Variants in WWOX observed in about 807,000 individuals in gnomAD.
The protein encoded by WWOX is WW domain-containing oxidoreductase.
WWOX carries 69 observed loss-of-function variants against 46.2 expected under a neutral mutation model. The observed-to-expected ratio is 1.49, with a 90% confidence interval of 1.23 to 1.82. The LOEUF (loss-of-function observed/expected upper bound fraction) is 1.82, where lower values mean the gene tolerates loss of function less well. Among genes scored for constraint, WWOX ranks in the 40% most tolerant of loss-of-function variants. WWOX has a pLI of 0.00. For synonymous variants in WWOX, 359 were observed against 202.6 expected (o/e 1.77, Z -6.56); for missense variants, 919 against 542.6 (o/e 1.69, Z -6.89).
chr16:78,826,272 G>T (rs1597678608), intron 8 of WWOX, among the ~76,000 whole-genome samples: 1 of 152,158 alleles, frequency 6.6e-6, no homozygotes, highest in South Asian at 2.1e-4. Context: ...CTTGAACCCG[G>T]GAGGTGGAGG....
At chr16:78,690,501 A>G (rs943107529) in intron 8 of WWOX, among the ~76,000 whole-genome samples, 3 of 152,298 alleles carry the variant, frequency 2.0e-5, no homozygotes, top group Admixed American at 6.5e-5. Context: ...GCAGTGGGCC[A>G]TGATCGTGAC....
At chr16:79,148,691 A>C (rs2050223718) in intron 8 of WWOX, among the ~76,000 whole-genome samples, 1 of 152,168 alleles carries the variant, frequency 6.6e-6, no homozygotes, top group African/African-American at 2.4e-5. Flanking sequence ...TACTATGTTG[A>C]GTCTTCCAGT....
intron 5 of WWOX, among the ~76,000 whole-genome samples, chr16:78,204,007 C>T (rs138887173): frequency 5.3e-5 from 8 of 152,204 alleles, no homozygotes; most frequent in East Asian, 1.9e-4. Flanking sequence ...TTGGACATGG[C>T]GGTGTGGCCA....
chr16:79,171,598 G>A (rs2050700825), intron 8 of WWOX, among the ~76,000 whole-genome samples: 1 of 152,140 alleles, frequency 6.6e-6, no homozygotes, highest in Admixed American at 6.6e-5. Flanking sequence ...GCTTACAAAT[G>A]CTCTTCAAGA....
intron 8 of WWOX, among the ~76,000 whole-genome samples, chr16:79,168,698 C>T (rs1210305578): frequency 1.3e-5 from 2 of 152,028 alleles, no homozygotes; most frequent in African/African-American, 2.4e-5. Context: ...TTGTGAAGCC[C>T]CTCAGGGAAG....
intron 8 of WWOX, among the ~76,000 whole-genome samples, chr16:78,998,653 T>C (rs2151359070): frequency 6.6e-6 from 1 of 152,338 alleles, no homozygotes; most frequent in Non-Finnish European, 1.5e-5. Flanking sequence ...TTGATGTGTG[T>C]AGGTAAGCGG....
intron 8 of WWOX, among the ~76,000 whole-genome samples, chr16:78,781,186 G>T (rs1387244420): frequency 6.6e-6 from 1 of 152,210 alleles, no homozygotes; most frequent in Non-Finnish European, 1.5e-5. Flanking sequence ...GATGGGGTGT[G>T]TTGTGACCCC....
At chr16:79,112,751 C>T (rs868468119) in intron 8 of WWOX, among the ~76,000 whole-genome samples, 1 of 152,110 alleles carries the variant, frequency 6.6e-6, no homozygotes, top group South Asian at 2.1e-4. Context: ...AATTTTAGAG[C>T]TGGAAGACAG....
At chr16:78,204,961 A>T (rs1233301291) in intron 5 of WWOX, among the ~76,000 whole-genome samples, 1 of 152,234 alleles carries the variant, frequency 6.6e-6, no homozygotes, top group Non-Finnish European at 1.5e-5. Flanking sequence ...TGAAAAGAAC[A>T]ATTAAAAGTT....
intron 8 of WWOX, among the ~76,000 whole-genome samples, chr16:78,724,274 A>G (rs1054189563): frequency 5.3e-5 from 8 of 152,284 alleles, no homozygotes; most frequent in East Asian, 3.9e-4. Flanking sequence ...AAAAAGCCCC[A>G]TTTGGTAAAA....
chr16:78,684,217 G>C (rs2047802519), intron 8 of WWOX, among the ~76,000 whole-genome samples: 1 of 152,202 alleles, frequency 6.6e-6, no homozygotes, highest in Admixed American at 6.5e-5. Context: ...CCCATTGGTA[G>C]ATTGCAGAGC....
chr16:79,006,209 C>T (rs1290716292), intron 8 of WWOX, among the ~76,000 whole-genome samples: 2 of 152,186 alleles, frequency 1.3e-5, no homozygotes, highest in Non-Finnish European at 2.9e-5. Context: ...GCAGGAAAGA[C>T]TTCCCAGTCT....
At chr16:78,202,114 C>G (rs1364561325) in intron 5 of WWOX, among the ~76,000 whole-genome samples, 5 of 152,290 alleles carry the variant, frequency 3.3e-5, no homozygotes, top group South Asian at 4.1e-4. Context: ...TGGCTGAAAA[C>G]CTGCTAAATA....
intron 8 of WWOX, among the ~76,000 whole-genome samples, chr16:78,966,291 G>C (rs1405721921): frequency 6.6e-6 from 1 of 152,172 alleles, no homozygotes; most frequent in Non-Finnish European, 1.5e-5. Flanking sequence ...ATCATTTCCT[G>C]ATAGCTGTTT....
rs573007262 is a variant in WWOX at position 78,928,855 on chromosome 16, T to C, written c.1057-282753T>C. 4.6e-5 allele frequency among the ~76,000 whole-genome samples: 7 copies of C among 152,334 alleles called. No homozygotes were observed. In the South Asian group the frequency reaches 1.0e-3, roughly 23 times the overall value. ...CCAAGCTTCTCTGTCAAGAGAATTA[T>C]AATGTGTTTTGACTGTAGGCTTCCT... is the stretch of plus-strand genomic sequence containing the variant. On this transcript the variant is annotated intron_variant, in intron 8 of 8. Coordinates refer to ENST00000566780, the MANE Select transcript of WWOX (RefSeq NM_016373.4).
At chr16:78,984,218 A>G (rs1309716310) in intron 8 of WWOX, among the ~76,000 whole-genome samples, 1 of 152,044 alleles carries the variant, frequency 6.6e-6, no homozygotes, top group Non-Finnish European at 1.5e-5. Flanking sequence ...TGAGTCCGGT[A>G]TAACCATGTG....
chr16:78,139,093 G>A (rs1281979374), intron 4 of WWOX, among the ~76,000 whole-genome samples: 3 of 152,152 alleles, frequency 2.0e-5, no homozygotes, highest in Non-Finnish European at 2.9e-5. Flanking sequence ...GCTAAAGGAT[G>A]GCAAAGTCAT....
chr16:78,939,932 G>A (rs12596126), intron 8 of WWOX, among the ~76,000 whole-genome samples: 73,961 of 152,106 alleles, frequency 0.49, 18,124 homozygotes, highest in East Asian at 0.62. Context: ...TACCCAATTC[G>A]ACTGCCCCCA....
chr16:79,153,061 G>A (rs1043068116), intron 8 of WWOX, among the ~76,000 whole-genome samples: 2 of 152,176 alleles, frequency 1.3e-5, no homozygotes, highest in African/African-American at 2.4e-5. Context: ...GCGGAGGCCT[G>A]GTTTCTGTGA....
Sources: allele counts gnomAD v4.1 joint callset (sites outside exome capture counted in the v4.1 genomes callset), GRCh38; gene constraint gnomAD v4.1.1; transcripts MANE v1.5; gene names NCBI Gene and HGNC (gene_info 2026-07-23, HGNC 2026-07-21).